Variants in UBE2D2 observed in about 807,000 individuals in gnomAD.
UBE2D2 encodes ubiquitin-conjugating enzyme E2 D2.
A neutral mutation model predicts 24.2 loss-of-function variants in UBE2D2; 2 were observed. The ratio of observed to expected loss-of-function variants is 0.08; its 90% CI spans 0.03 to 0.26. The LOEUF is 0.26. Among genes scored for constraint, UBE2D2 ranks in the 10% least tolerant of loss-of-function variants. UBE2D2 has a pLI of 1.00. For missense variants in UBE2D2, 44 were observed against 177.6 expected (o/e 0.25, Z 4.28); for synonymous variants, 58 against 56.5 (o/e 1.03, Z -0.12).
At chr5:139,531,021 A>C (rs1449001697) in intron 1 of UBE2D2, among the ~76,000 whole-genome samples, 1 of 152,232 alleles carries the variant, frequency 6.6e-6, no homozygotes, top group Non-Finnish European at 1.5e-5. Flanking sequence ...ACAAAAAGAC[A>C]TAAGTAGCAA....
chr5:139,532,643 G>T (rs566752401), intron 1 of UBE2D2, among the ~76,000 whole-genome samples: 1 of 151,830 alleles, frequency 6.6e-6, no homozygotes, highest in South Asian at 2.1e-4. Context: ...GAGCCACCGC[G>T]CTTGGCCTAG....
intron 1 of UBE2D2, among the ~76,000 whole-genome samples, chr5:139,596,641 C>T (rs1753965322): frequency 6.6e-6 from 1 of 151,924 alleles, no homozygotes. Context: ...TGGCTCACAC[C>T]TGTAATTCCA....
intron 5 of UBE2D2, among the ~76,000 whole-genome samples, chr5:139,619,872 A>AAAAAAAAAAAAAAG (rs1361592104): frequency 9.8e-5 from 15 of 152,294 alleles, no homozygotes; most frequent in South Asian, 6.2e-4. Flanking sequence ...TCAAAAAAAA[A>AAAAAAAAAAAAAAG]GGAGGTTTAA....
intron 6 of UBE2D2, 87 bp downstream of exon 6, chr5:139,623,548 G>C: frequency 9.1e-7 from 1 of 1,095,876 alleles, no homozygotes; most frequent in Non-Finnish European, 1.4e-6. Flanking sequence ...CTGAATATCG[G>C]CCAGATATTT....
At chr5:139,621,318 CTA>C (rs1399247528) in intron 5 of UBE2D2, among the ~76,000 whole-genome samples, 1 of 152,152 alleles carries the variant, frequency 6.6e-6, no homozygotes, top group Non-Finnish European at 1.5e-5. Flanking sequence ...GGAAATTACA[CTA>C]TTGAGATTTG....
intron 2 of UBE2D2, among the ~76,000 whole-genome samples, chr5:139,604,315 T>A (rs981013412): frequency 3.3e-5 from 5 of 151,866 alleles, no homozygotes; most frequent in Non-Finnish European, 7.4e-5. Context: ...ATTTTCGTAT[T>A]TTTGGTAGAG....
At chr5:139,609,010 C>T (rs527247657) in intron 2 of UBE2D2, among the ~76,000 whole-genome samples, 1 of 152,082 alleles carries the variant, frequency 6.6e-6, no homozygotes, top group Non-Finnish European at 1.5e-5. Context: ...TTGCCTGAAC[C>T]TGGGAGGCGG....
chr5:139,559,111 A>G (rs955304729), upstream of UBE2D2, among the ~76,000 whole-genome samples: 1 of 151,998 alleles, frequency 6.6e-6, no homozygotes, highest in South Asian at 2.1e-4. Context: ...TACAAAAGTT[A>G]TTACTGAGAA....
intron 6 of UBE2D2, among the ~76,000 whole-genome samples, chr5:139,626,398 T>C (rs1444709890): frequency 6.6e-6 from 1 of 152,204 alleles, no homozygotes; most frequent in Non-Finnish European, 1.5e-5. Context: ...TATTAGTATA[T>C]GAGTTCAAGA....
chr5:139,563,523 C>G (rs1463932570), intron 1 of UBE2D2, among the ~76,000 whole-genome samples: 1 of 152,152 alleles, frequency 6.6e-6, no homozygotes, highest in Non-Finnish European at 1.5e-5. Context: ...TTAGGAATTG[C>G]TAGGTCCTTA....
At chr5:139,544,825 G>T (rs1752804393) in intron 1 of UBE2D2, among the ~76,000 whole-genome samples, 2 of 151,154 alleles carry the variant, frequency 1.3e-5, no homozygotes, top group Non-Finnish European at 2.9e-5. Flanking sequence ...TTGCCAGGCT[G>T]GAGTGCAGTG....
chr5:139,538,200 T>C (rs1316766600), intron 1 of UBE2D2, among the ~76,000 whole-genome samples: 1 of 152,018 alleles, frequency 6.6e-6, no homozygotes, highest in Non-Finnish European at 1.5e-5. Context: ...GCTAGGCTGG[T>C]CTCAAACCCC....
At chr5:139,549,291 C>A (rs1561498845) in intron 1 of UBE2D2, among the ~76,000 whole-genome samples, 2 of 152,244 alleles carry the variant, frequency 1.3e-5, no homozygotes. Flanking sequence ...GAGCCCCTCT[C>A]TGGGCTAGCT....
intron 1 of UBE2D2, among the ~76,000 whole-genome samples, chr5:139,547,365 A>C (rs1752847700): frequency 1.3e-5 from 2 of 152,110 alleles, no homozygotes; most frequent in South Asian, 4.1e-4. Flanking sequence ...GTAATTTGTA[A>C]AGACAAGAAC....
chr5:139,597,200 A>ATT (rs1753980360), intron 1 of UBE2D2, among the ~76,000 whole-genome samples: 2 of 152,062 alleles, frequency 1.3e-5, no homozygotes, highest in Non-Finnish European at 2.9e-5. Context: ...AATTTTCTTC[A>ATT]TGTCTCTTTT....
intron 1 of UBE2D2, among the ~76,000 whole-genome samples, chr5:139,539,184 C>T (rs1374704170): frequency 1.3e-5 from 2 of 151,890 alleles, no homozygotes; most frequent in African/African-American, 4.8e-5. Flanking sequence ...ACCACCACGA[C>T]CAGCTAATTT....
chr5:139,626,959 C>T lies in UBE2D2; in HGVS notation c.*158C>T. 3.3e-6 allele frequency: 2 copies of T among 597,552 alleles called. No individual in the cohort carries two copies. The highest frequency in any genetic ancestry group is 5.9e-6 in the Non-Finnish European group (2 of 341,380). 37.0% of individuals were successfully genotyped at this position (597,552 alleles called of 1,614,324 possible). A position where few individuals can be genotyped will look rare whatever the true frequency, so the allele number is the denominator to read the frequency against. On this transcript the variant is annotated 3_prime_UTR_variant, in exon 7 of 7. Coordinates refer to ENST00000398733, the MANE Select transcript of UBE2D2 (RefSeq NM_003339.3). Reference sequence around the variant, plus strand: ...ACAGCAGTGCTGCGTGTTGTACATACTTGGAACAACAAACTAGAAATACTG... The same window carrying T: ...ACAGCAGTGCTGCGTGTTGTACATATTTGGAACAACAAACTAGAAATACTG...
intron 1 of UBE2D2, among the ~76,000 whole-genome samples, chr5:139,591,166 G>A (rs1475633854): frequency 6.6e-6 from 1 of 150,442 alleles, no homozygotes. Context: ...TTGTTGCCCA[G>A]GCTGGAGTGC....
At chr5:139,604,364 C>G (rs1182606252) in intron 2 of UBE2D2, among the ~76,000 whole-genome samples, 5 of 152,004 alleles carry the variant, frequency 3.3e-5, no homozygotes, top group African/African-American at 1.2e-4. Flanking sequence ...TCTTGAACTC[C>G]TGACCTCAAG....
Sources: gnomAD v4.1 joint callset for allele counts (sites outside exome capture counted in the v4.1 genomes callset) on GRCh38, gnomAD v4.1.1 for gene constraint, MANE v1.5 for transcripts, NCBI Gene and HGNC (gene_info 2026-07-23, HGNC 2026-07-21) for gene names.